Variants in EDEM3 observed in about 807,000 individuals in gnomAD.
EDEM3 encodes the protein ER degradation-enhancing alpha-mannosidase-like protein 3.
EDEM3 carries 60 observed loss-of-function variants against 110.2 expected under a neutral mutation model. The ratio of observed to expected loss-of-function variants is 0.54; its 90% CI spans 0.44 to 0.67. The LOEUF (loss-of-function observed/expected upper bound fraction) is 0.67. Among genes scored for constraint, EDEM3 ranks in the 30% least tolerant of loss-of-function variants. EDEM3 has a pLI of 0.00. For synonymous variants in EDEM3, 352 were observed against 382.9 expected, an observed-to-expected ratio of 0.92 and a Z score of 0.94; for missense variants, 996 against 1,121.0, an observed-to-expected ratio of 0.89 and a Z score of 1.59.
intron 5 of EDEM3, 96 bp from the exon 6 acceptor site, chr1:184,733,086 AT>A: frequency 1.5e-6 from 2 of 1,329,702 alleles, no homozygotes; most frequent in Non-Finnish European, 2.0e-6. Flanking sequence ...AATTTAACAT[AT>A]TTAAGGAAAG....
intron 7 of EDEM3, 27 bp from the exon 8 acceptor site, chr1:184,723,883 AAAG>A (rs767263245): frequency 6.7e-7 from 1 of 1,489,630 alleles, no homozygotes; most frequent in Non-Finnish European, 9.0e-7. Context: ...AAAAAAAAAA[AAAG>A]AAGTGCATAT....
At chr1:184,722,238 T>C (rs1341684025) in intron 8 of EDEM3, among the ~76,000 whole-genome samples, 1 of 152,038 alleles carries the variant, frequency 6.6e-6, no homozygotes, top group Admixed American at 6.6e-5. Flanking sequence ...ACACAACATT[T>C]TTCTAGTGGT....
intron 16 of EDEM3, among the ~76,000 whole-genome samples, chr1:184,709,122 T>C (rs1650088897): frequency 6.6e-6 from 1 of 152,090 alleles, no homozygotes; most frequent in African/African-American, 2.4e-5. Flanking sequence ...CCAGCTTTGA[T>C]GACTTAAAGA....
At chr1:184,722,944 C>T (rs979932425) in intron 8 of EDEM3, among the ~76,000 whole-genome samples, 10 of 151,894 alleles carry the variant, frequency 6.6e-5, no homozygotes, top group African/African-American at 2.4e-4. Context: ...CATGTTCCTT[C>T]CCATGCTCCT....
intron 11 of EDEM3, among the ~76,000 whole-genome samples, chr1:184,718,273 T>C (rs1650666397): frequency 6.6e-6 from 1 of 152,064 alleles, no homozygotes. Context: ...CTATTTGAAA[T>C]TTATTCAATA....
intron 2 of EDEM3, among the ~76,000 whole-genome samples, chr1:184,741,587 C>G (rs570391869): frequency 7.9e-5 from 12 of 152,170 alleles, no homozygotes; most frequent in African/African-American, 2.9e-4. Context: ...ATAACATCTA[C>G]ATTCTGGTCT....
At chr1:184,745,412 G>C (rs1041299415) in intron 2 of EDEM3, among the ~76,000 whole-genome samples, 1 of 152,018 alleles carries the variant, frequency 6.6e-6, no homozygotes, top group East Asian at 1.9e-4. Flanking sequence ...TGTTTCTGAT[G>C]AATGAACCAT....
At position 184,692,798 on chromosome 1, in the gene EDEM3, A is replaced by AGGGGGG. The variant is rs33939977; in HGVS notation, c.*1259_*1264dup. 7.6e-6 allele frequency: 1 copy of AGGGGGG among 131,842 alleles called. No homozygotes were observed. The highest frequency in any genetic ancestry group is 2.4e-4 in the East Asian group (1 of 4,186). 8.2% of individuals were successfully genotyped at this position (131,842 alleles called of 1,614,324 possible). On this transcript the variant is annotated 3_prime_UTR_variant, in exon 20 of 20. Transcript: ENST00000318130. The stretch of plus-strand genomic sequence containing the variant: ...CAACAACAACAAACCAAAAAAAAAA[A>AGGGGGG]GGGGGGGGGTGGAAGTCTCATTAAG...
In EDEM3 at chr1:184,696,582, TC is replaced by T. The variant is rs150872929; in HGVS notation, c.2390-2111del. On this transcript the variant is annotated intron_variant, in intron 19 of 19. Coordinates refer to ENST00000318130, the MANE Select transcript of EDEM3 (RefSeq NM_025191.4). ...AAGTTTACATTCTTAGGGTTTTTTT[TC>T]CGGAGGGGAGGATCAGCAGGGGGTG... Among the ~76,000 whole-genome samples, 431 of 151,946 alleles carry T rather than the reference TC, an allele frequency of 2.8e-3. 5 individuals are homozygous for T. In the East Asian group the frequency reaches 0.035, roughly 12 times the overall value.
At chr1:184,714,447 A>C (rs1650431665) in intron 13 of EDEM3, among the ~76,000 whole-genome samples, 1 of 152,166 alleles carries the variant, frequency 6.6e-6, no homozygotes, top group Non-Finnish European at 1.5e-5. Flanking sequence ...TATGATTAGG[A>C]AAATACAGAT....
intron 6 of EDEM3, among the ~76,000 whole-genome samples, chr1:184,729,600 T>C (rs1651385613): frequency 6.6e-6 from 1 of 152,168 alleles, no homozygotes; most frequent in South Asian, 2.1e-4. Flanking sequence ...AAACCATTAA[T>C]GCAAATACTA....
intron 14 of EDEM3, 36 bp downstream of exon 14, chr1:184,712,397 A>G (rs1226903336): frequency 1.3e-6 from 2 of 1,541,252 alleles, no homozygotes; most frequent in Non-Finnish European, 1.7e-6. Flanking sequence ...ATGTAGAAAT[A>G]AAAAAGAGAA....
At chr1:184,725,368 G>C (rs1330010110) in intron 7 of EDEM3, among the ~76,000 whole-genome samples, 1 of 152,076 alleles carries the variant, frequency 6.6e-6, no homozygotes, top group Non-Finnish European at 1.5e-5. Context: ...CAATATCTGA[G>C]AGTGTAGTTA....
intron 13 of EDEM3, 70 bp from the exon 14 acceptor site, chr1:184,712,668 T>C (rs4651230): frequency 0.38 from 412,756 of 1,081,650 alleles, 83,919 homozygotes; most frequent in South Asian, 0.52. Context: ...ATGAAAGCCA[T>C]AGAGTCAAGG....
rs1649131852 is a variant in EDEM3, at chr1:184,692,997, A to G, written c.*1066T>C. ...GCAACTTTAGAAACCTAAGTTTCAA[A>G]GGAGAAAAACAGTAGTTACTCCAGG... On this transcript the variant is annotated 3_prime_UTR_variant, in exon 20 of 20. Transcript: ENST00000318130. 6.5e-6 allele frequency: 1 copy of G among 154,758 alleles called. No homozygotes were observed. Among genetic ancestry groups the G allele is most frequent in the Admixed American group, 6.5e-5 (1 of 15,276 alleles). 9.6% of individuals were successfully genotyped at this position (154,758 alleles called of 1,614,324 possible). A position where few individuals can be genotyped will look rare whatever the true frequency, so the allele number is the denominator to read the frequency against.
rs542582663 is a variant in EDEM3, at chr1:184,732,725, AT to A, written c.612+111del. The A allele has an allele frequency of 5.7e-4, 600 of 1,059,902 alleles. 3 individuals carry two copies. Among genetic ancestry groups the A allele is most frequent in the South Asian group, 4.0e-3 (202 of 49,892 alleles). 65.7% of individuals were successfully genotyped at this position (1,059,902 alleles called of 1,614,324 possible). The stretch of plus-strand genomic sequence containing the variant: ...TAAATTTGTTATATAGCTTTGAAGC[AT>A]TTTTTTTTCAGCCTCAAGCTGGTGA... On this transcript the variant is annotated intron_variant, in intron 6 of 19. Transcript: ENST00000318130.
At chr1:184,727,955 A>G (rs1445481995) in intron 6 of EDEM3, among the ~76,000 whole-genome samples, 1 of 152,236 alleles carries the variant, frequency 6.6e-6, no homozygotes, top group African/African-American at 2.4e-5. Context: ...AGCAATCCTT[A>G]ATAATAAAAT....
intron 19 of EDEM3, among the ~76,000 whole-genome samples, chr1:184,695,856 G>A (rs1254460145): frequency 6.6e-6 from 1 of 151,926 alleles, no homozygotes. Context: ...AGACATGCAG[G>A]AAGGTGTGGT....
chr1:184,722,938 T>A (rs1452410736), intron 8 of EDEM3, among the ~76,000 whole-genome samples: 1 of 151,964 alleles, frequency 6.6e-6, no homozygotes, highest in East Asian at 1.9e-4. Flanking sequence ...TTGTTACATG[T>A]TCCTTCCCAT....
Sources: gnomAD v4.1 joint callset for allele counts (sites outside exome capture counted in the v4.1 genomes callset) on GRCh38, gnomAD v4.1.1 for gene constraint, MANE v1.5 for transcripts, NCBI Gene and HGNC (gene_info 2026-07-23, HGNC 2026-07-21) for gene names.